C3orf49: variants seen among roughly 807,000 people sequenced by gnomAD.
C3orf49 encodes chromosome 3 open reading frame 49.
A neutral mutation model predicts 13.3 loss-of-function variants in C3orf49; 27 were observed. That is an observed-to-expected ratio of 2.02 (90% CI 1.49 to 2.79). The LOEUF is 2.79. Ranked by LOEUF, C3orf49 falls within the 30% of genes most tolerant of loss-of-function variation. C3orf49 has a pLI of 0.00. For synonymous variants in C3orf49, 87 were observed against 47.6 expected, an observed-to-expected ratio of 1.83 and a Z score of -3.40; for missense variants, 242 against 134.2, an observed-to-expected ratio of 1.80 and a Z score of -3.97.
intron 5 of C3orf49, among the ~76,000 whole-genome samples, chr3:63,841,991 A>G (rs1168956131): frequency 6.6e-6 from 1 of 152,226 alleles, no homozygotes; most frequent in Non-Finnish European, 1.5e-5. Flanking sequence ...TTTCAAATGT[A>G]AATACATTAA....
chr3:63,808,914 G>A, the C3orf49 span, among the ~76,000 whole-genome samples: 2 of 151,972 alleles, frequency 1.3e-5, no homozygotes, highest in African/African-American at 4.8e-5. Flanking sequence ...TCCCAATTCC[G>A]TCGGTACCTG....
the C3orf49 span, among the ~76,000 whole-genome samples, chr3:63,797,610 C>T: frequency 2.6e-5 from 4 of 152,126 alleles, no homozygotes; most frequent in African/African-American, 9.7e-5. Context: ...ATCTTCCTAC[C>T]AGTCTATGGT....
At chr3:63,790,454 C>G in the C3orf49 span, among the ~76,000 whole-genome samples, 9 of 152,136 alleles carry the variant, frequency 5.9e-5, no homozygotes, top group South Asian at 2.1e-4. Flanking sequence ...ACCTGGAGAG[C>G]TTTAAATGGG....
intron 2 of C3orf49, among the ~76,000 whole-genome samples, chr3:63,824,918 A>G (rs1263354159): frequency 6.6e-6 from 1 of 151,972 alleles, no homozygotes; most frequent in African/African-American, 2.4e-5. Flanking sequence ...CAGAAAATGT[A>G]GAGTTCCCAT....
chr3:63,810,193 C>A, the C3orf49 span, among the ~76,000 whole-genome samples: 1 of 148,874 alleles, frequency 6.7e-6, no homozygotes, highest in Admixed American at 6.6e-5. Flanking sequence ...TTGTGCCAAC[C>A]TAATATAATG....
chr3:63,831,237 G>A lies in C3orf49; in HGVS notation c.684+14G>A. 1.4e-6 allele frequency: 1 copy of A among 698,874 alleles called. No individual in the cohort carries two copies. Among genetic ancestry groups the A allele is most frequent in the South Asian group, 1.5e-5 (1 of 66,690 alleles). The allele number at this position is 698,874 out of a possible 1,614,324, so 43.3% of individuals were successfully genotyped here. A position where few individuals can be genotyped will look rare whatever the true frequency, so the allele number is the denominator to read the frequency against. ...CTTCAAATGCAGGTAGTGGACAAAG[G>A]CTTTTAACTTTTGAGTCTCAGAAGC... On this transcript the variant is annotated intron_variant, in intron 4 of 6. Transcript: ENST00000295896.
the C3orf49 span, among the ~76,000 whole-genome samples, chr3:63,781,695 T>C: frequency 6.6e-5 from 10 of 152,196 alleles, no homozygotes; most frequent in Admixed American, 5.2e-4. Flanking sequence ...TTGCTGTGTA[T>C]TCTTTTCTAC....
At position 63,831,696 on chromosome 3, in the gene C3orf49, A is replaced by C. The variant is rs1331871122; in HGVS notation, c.701A>C (p.Glu234Ala). ...KLQMQVDDLI[E>A]TVTDKSMKLL... is the part of the protein sequence containing the mutation. ...CTGTCATAGGTGGATGACCTCATAG[A>C]AACAGTGACTGATAAATCCATGAAG... The change falls in exon 5 of 7, where the codon GAA becomes GCA. Residue 234 changes from glutamate (E) to alanine (A), a missense_variant. Glu to Ala is a moderately radical substitution (Grantham distance 107). Coordinates refer to ENST00000295896, the MANE Select transcript of C3orf49 (RefSeq NM_001355236.2). 2.8e-6 allele frequency: 2 copies of C among 703,146 alleles called. 1 individual carries two copies. Among genetic ancestry groups the C allele is most frequent in the Non-Finnish European group, 5.2e-6 (2 of 385,020 alleles). The allele number at this position is 703,146 out of a possible 1,614,324, so 43.6% of individuals were successfully genotyped here. A position where few individuals can be genotyped will look rare whatever the true frequency, so the allele number is the denominator to read the frequency against.
chr3:63,815,586 G>C (rs1487897764), upstream of C3orf49, among the ~76,000 whole-genome samples: 1 of 151,964 alleles, frequency 6.6e-6, no homozygotes, highest in Non-Finnish European at 1.5e-5. Context: ...GTCGTTTTCT[G>C]TCTTTGAAAT....
chr3:63,795,871 C>G, the C3orf49 span, among the ~76,000 whole-genome samples: 147 of 152,256 alleles, frequency 9.7e-4, no homozygotes, highest in African/African-American at 3.3e-3. Context: ...CCCTCTCTTT[C>G]CATTATATCC....
At chr3:63,798,094 G>C in the C3orf49 span, among the ~76,000 whole-genome samples, 3 of 152,092 alleles carry the variant, frequency 2.0e-5, no homozygotes, top group Non-Finnish European at 4.4e-5. Flanking sequence ...AAGTGCAATG[G>C]ACAAATAATT....
the C3orf49 span, chr3:63,805,173 A>G: frequency 1.3e-5 from 2 of 152,200 alleles, no homozygotes; most frequent in Non-Finnish European, 2.9e-5. Flanking sequence ...GTGTATATTC[A>G]GAGGCATTTT....
chr3:63,838,178 T>A (rs2107122407), intron 5 of C3orf49: 1 of 1,061,134 alleles, frequency 9.4e-7, no homozygotes, highest in Non-Finnish European at 1.3e-6. Flanking sequence ...CTAGTATTTT[T>A]AAAAAATAGC....
At chr3:63,811,522 C>T in the C3orf49 span, among the ~76,000 whole-genome samples, 16 of 151,192 alleles carry the variant, frequency 1.1e-4, no homozygotes, top group African/African-American at 2.9e-4. Flanking sequence ...CATATCACTG[C>T]ACTCCAGCCT....
intron 5 of C3orf49, among the ~76,000 whole-genome samples, chr3:63,839,134 G>A (rs1701700200): frequency 1.3e-5 from 2 of 152,040 alleles, no homozygotes; most frequent in Non-Finnish European, 2.9e-5. Flanking sequence ...AGGTTGCAGT[G>A]AGCCAAGATT....
At chr3:63,784,462 A>G in the C3orf49 span, among the ~76,000 whole-genome samples, 32,745 of 152,136 alleles carry the variant, frequency 0.22, 3,455 homozygotes, top group East Asian at 0.3. Context: ...ACAGCAGTGG[A>G]ATTAAAGGAA....
the C3orf49 span, among the ~76,000 whole-genome samples, chr3:63,799,164 A>G: frequency 6.6e-6 from 1 of 152,292 alleles, no homozygotes; most frequent in East Asian, 1.9e-4. Flanking sequence ...TTGGAGCAAT[A>G]TGCATGATTA....
At chr3:63,803,039 C>A in the C3orf49 span, among the ~76,000 whole-genome samples, 7 of 152,110 alleles carry the variant, frequency 4.6e-5, no homozygotes, top group South Asian at 2.1e-4. Context: ...AAGCTGGAAG[C>A]AAATTTAAGT....
At chr3:63,838,712 G>A (rs1701688413) in intron 5 of C3orf49, among the ~76,000 whole-genome samples, 2 of 151,796 alleles carry the variant, frequency 1.3e-5, no homozygotes, top group African/African-American at 4.8e-5. Context: ...ATGCAAAGGT[G>A]GGATTGTTGT....
Sources: allele counts gnomAD v4.1 joint callset (sites outside exome capture counted in the v4.1 genomes callset), GRCh38; gene constraint gnomAD v4.1.1; transcripts MANE v1.5; gene names NCBI Gene and HGNC (gene_info 2026-07-23, HGNC 2026-07-21).